The following ROCK2 variants were observed in gnomAD, a reference collection of about 807,000 sequenced individuals.
ROCK2 encodes rho-associated protein kinase 2.
Under a neutral mutation model 195.1 loss-of-function variants are expected in ROCK2, and 61 were observed. The ratio of observed to expected loss-of-function variants is 0.31; its 90% confidence interval spans 0.25 to 0.39. The LOEUF is 0.39. Ranked by LOEUF, ROCK2 falls within the 10% of genes least tolerant of loss-of-function variation. The pLI, the probability that ROCK2 is intolerant of heterozygous loss-of-function variation, is 1.00. For synonymous variants in ROCK2, 504 were observed against 545.5 expected, an observed-to-expected ratio of 0.92 and a Z score of 1.06; for missense variants, 1,109 against 1,637.4, an observed-to-expected ratio of 0.68 and a Z score of 5.57.
intron 20 of ROCK2, 57 bp from the exon 21 acceptor site, chr2:11,202,178 C>A: frequency 7.1e-7 from 1 of 1,406,120 alleles, no homozygotes; most frequent in Non-Finnish European, 1.0e-6. Context: ...AAACGAGCAG[C>A]TCTCAAAGTA....
intron 11 of ROCK2, among the ~76,000 whole-genome samples, chr2:11,217,542 C>T (rs1664476272): frequency 6.6e-6 from 1 of 152,016 alleles, no homozygotes; most frequent in African/African-American, 2.4e-5. Context: ...TTGTGCTAGT[C>T]GGATAAAAAT....
In ROCK2 at chr2:11,343,976, C is replaced by A; in HGVS notation, c.141+20G>T. On this transcript the variant is annotated intron_variant, in intron 1 of 32. Transcript: ENST00000315872. ...AGGTGTGAGCTGCAACGAGCAAGCT[C>A]CCAGGCCCCGGCCACCTACCAGCAA... 1 of 1,584,930 alleles carries A rather than the reference C, an allele frequency of 6.3e-7. No individual in the cohort carries two copies. Among genetic ancestry groups the A allele is most frequent in the South Asian group, 1.1e-5 (1 of 89,598 alleles).
chr2:11,266,052 A>G (rs1666403079), intron 3 of ROCK2, among the ~76,000 whole-genome samples: 1 of 152,228 alleles, frequency 6.6e-6, no homozygotes. Context: ...CCACTAGCAT[A>G]GGCCTACAGA....
chr2:11,229,623 A>AC (rs199676733), intron 5 of ROCK2, among the ~76,000 whole-genome samples: 3,535 of 139,918 alleles, frequency 0.025, 153 homozygotes, highest in African/African-American at 0.091. Context: ...AATGCAACAC[A>AC]AAAAAAAAAA....
intron 32 of ROCK2, among the ~76,000 whole-genome samples, 182 bp from the exon 33 acceptor site, chr2:11,183,622 G>T (rs1417909370): frequency 6.6e-6 from 1 of 152,098 alleles, no homozygotes; most frequent in Non-Finnish European, 1.5e-5. Context: ...GGTACAACAT[G>T]CAATTATATT....
chr2:11,224,074 C>T (rs1028791119), intron 7 of ROCK2, among the ~76,000 whole-genome samples: 1 of 151,860 alleles, frequency 6.6e-6, no homozygotes, highest in Admixed American at 6.6e-5. Flanking sequence ...ATTGTTTTAC[C>T]ACGTTCTATT....
intron 2 of ROCK2, among the ~76,000 whole-genome samples, chr2:11,287,393 A>G (rs1667232841): frequency 6.6e-6 from 1 of 152,194 alleles, no homozygotes; most frequent in Admixed American, 6.5e-5. Flanking sequence ...TCAAACTGCT[A>G]TAAATAACCT....
chr2:11,303,034 G>C (rs1288755644), intron 1 of ROCK2, among the ~76,000 whole-genome samples: 1 of 152,124 alleles, frequency 6.6e-6, no homozygotes, highest in Admixed American at 6.5e-5. Context: ...CATTTGCTGA[G>C]GGGTAGCCAT....
chr2:11,192,251 C>G lies in ROCK2; in HGVS notation c.4060G>C (p.Ala1354Pro), dbSNP rs751806275. ...LVKKIPKKPP[A>P]PDPFARSSPR... ...GATGATCGGGCAAAAGGGTCTGGAG[C>G]TGGGGGCTTTTTAGGTATCTTTTTC... The change falls in exon 32 of 33, where the codon GCT (alanine) becomes CCT (proline). Residue 1354 changes from alanine (A) to proline (P), a missense_variant. Coordinates refer to ENST00000315872, the MANE Select transcript of ROCK2 (RefSeq NM_004850.5). This position sits in a 1 kb window ranked among gnomAD's most constrained non-coding sequence, Gnocchi z 5.0. 1.5e-5 allele frequency: 24 copies of G among 1,613,652 alleles called. No homozygotes were observed. In the Admixed American group the frequency reaches 4.0e-4, roughly 27 times the overall value.
In ROCK2 at chr2:11,286,751, T is replaced by C. The variant is rs1667207666; in HGVS notation, c.224-112A>G. On this transcript the variant is annotated intron_variant, in intron 2 of 32. Coordinates refer to ENST00000315872, the MANE Select transcript of ROCK2 (RefSeq NM_004850.5). ...AGAAAAGACAGTTTTTAGCTAAACT[T>C]GCCAGTTTTTAAAGGCTGTTAGTTA... 1.6e-5 allele frequency: 10 copies of C among 625,490 alleles called. No individual in the cohort carries two copies. In the South Asian group the frequency reaches 2.1e-4, roughly 13 times the overall value. 38.7% of individuals were successfully genotyped at this position (625,490 alleles called of 1,614,324 possible). A position where few individuals can be genotyped will look rare whatever the true frequency, so the allele number is the denominator to read the frequency against.
At chr2:11,185,096 G>C (rs1042527988) in intron 32 of ROCK2, among the ~76,000 whole-genome samples, 1 of 152,150 alleles carries the variant, frequency 6.6e-6, no homozygotes, top group African/African-American at 2.4e-5. Flanking sequence ...AGTTTGATTT[G>C]AGAATTATGA....
At chr2:11,185,873 A>G (rs1291816895) in intron 32 of ROCK2, among the ~76,000 whole-genome samples, 5 of 152,164 alleles carry the variant, frequency 3.3e-5, no homozygotes, top group African/African-American at 1.2e-4. Context: ...TGTAATCACT[A>G]TTGTCAGTGG....
intron 2 of ROCK2, among the ~76,000 whole-genome samples, chr2:11,286,918 T>C (rs557325545): frequency 6.6e-6 from 1 of 152,320 alleles, no homozygotes; most frequent in South Asian, 2.1e-4. Flanking sequence ...AGTTAGATGA[T>C]AGCTGACACA....
intron 3 of ROCK2, 136 bp from the exon 4 acceptor site, chr2:11,249,934 A>C (rs2148127592): frequency 1.8e-6 from 1 of 562,190 alleles, no homozygotes; most frequent in African/African-American, 1.9e-5. Flanking sequence ...TAAAAGCAAA[A>C]CATTTTTAAT....
At chr2:11,340,688 A>G (rs1258361446) in intron 1 of ROCK2, among the ~76,000 whole-genome samples, 1 of 152,234 alleles carries the variant, frequency 6.6e-6, no homozygotes, top group Non-Finnish European at 1.5e-5. Context: ...GCAAATAACC[A>G]GCAGCATGCT....
intron 1 of ROCK2, among the ~76,000 whole-genome samples, chr2:11,311,778 C>A (rs953534675): frequency 6.6e-6 from 1 of 152,188 alleles, no homozygotes; most frequent in African/African-American, 2.4e-5. Context: ...CACACACACA[C>A]ACACACACCC....
intron 1 of ROCK2, among the ~76,000 whole-genome samples, chr2:11,341,077 C>T (rs568775419): frequency 2.3e-4 from 13 of 56,260 alleles, no homozygotes; most frequent in African/African-American, 4.3e-4. Flanking sequence ...TGAAGACTCG[C>T]CTCCAAAAAA....
Position 11,192,444 on chromosome 2 carries a change from C to A in ROCK2, c.3949+7G>T. 1 of 1,613,086 alleles carries A rather than the reference C, an allele frequency of 6.2e-7. No individual in the cohort carries two copies. Among genetic ancestry groups the A allele is most frequent in the Non-Finnish European group, 8.5e-7 (1 of 1,179,390 alleles). On this transcript the variant is annotated splice_region_variant and intron_variant, in intron 31 of 32. Transcript: ENST00000315872. This position sits in a 1 kb window ranked among gnomAD's most constrained non-coding sequence, Gnocchi z 5.0. Reference sequence around the variant, plus strand: ...AATATCGATGGAGCAAGTAATTTATCATTTACCTTTGCAAGGTGCTATAAT... The same window carrying A: ...AATATCGATGGAGCAAGTAATTTATAATTTACCTTTGCAAGGTGCTATAAT...
intron 3 of ROCK2, among the ~76,000 whole-genome samples, chr2:11,276,181 C>G (rs1316666532): frequency 1.3e-5 from 2 of 152,072 alleles, no homozygotes; most frequent in Non-Finnish European, 2.9e-5. Flanking sequence ...CACTTCTAGT[C>G]AACATAGCAC....
Sources: allele counts gnomAD v4.1 joint callset (sites outside exome capture counted in the v4.1 genomes callset), GRCh38; gene constraint gnomAD v4.1.1; non-coding constraint Gnocchi (gnomAD v3.1); transcripts MANE v1.5; gene names NCBI Gene and HGNC (gene_info 2026-07-23, HGNC 2026-07-21).